TELO2: variants seen among roughly 807,000 people sequenced by gnomAD.
TELO2 encodes telomere length regulation protein TEL2 homolog.
A neutral mutation model predicts 91.0 loss-of-function variants in TELO2; 71 were observed. The observed-to-expected ratio is 0.78, with a 90% CI of 0.64 to 0.95. TELO2 has a LOEUF of 0.95. TELO2 is among the 40% of genes least tolerant of loss of function. The pLI, the probability that TELO2 is intolerant of heterozygous loss-of-function variation, is 0.00. For missense variants in TELO2, 1,183 were observed against 1,141.3 expected (o/e 1.04, Z -0.53); for synonymous variants, 584 against 518.9 (o/e 1.13, Z -1.71).
Position 1,510,048 on chromosome 16 carries a change from C to A in TELO2, c.*112C>A. 1 of 909,452 alleles carries A rather than the reference C, an allele frequency of 1.1e-6. No individual in the cohort carries two copies. The highest frequency in any genetic ancestry group is 1.7e-6 in the Non-Finnish European group (1 of 594,316). 56.3% of individuals were successfully genotyped at this position (909,452 alleles called of 1,614,324 possible). A position where few individuals can be genotyped will look rare whatever the true frequency, so the allele number is the denominator to read the frequency against. On this transcript the variant is annotated 3_prime_UTR_variant, in exon 21 of 21. Coordinates refer to ENST00000262319, the MANE Select transcript of TELO2 (RefSeq NM_016111.4). ...AGCGAGGCCAGGTCTTCGGCCGCAT[C>A]CGGTACGGAGAGTGCAGATGCAGGA...
At chr16:1,498,358 A>C (rs1356462956) in intron 5 of TELO2, among the ~76,000 whole-genome samples, 1 of 152,084 alleles carries the variant, frequency 6.6e-6, no homozygotes, top group African/African-American at 2.4e-5. Context: ...TGTGTGTTTA[A>C]GGCATTTGTA....
chr16:1,506,755 G>A, intron 17 of TELO2, 197 bp from the exon 18 acceptor site: 1 of 1,403,206 alleles, frequency 7.1e-7, no homozygotes, highest in Non-Finnish European at 9.3e-7. Flanking sequence ...CCTGGCCCAG[G>A]TGGACTTGTG....
At position 1,502,061 on chromosome 16, in the gene TELO2, TCC is replaced by T; in HGVS notation, c.1490_1491del (p.Pro497LeufsTer29). The T allele has an allele frequency of 6.2e-7, 1 of 1,613,314 alleles. No individual in the cohort carries two copies. Among genetic ancestry groups the T allele is most frequent in the Non-Finnish European group, 8.5e-7 (1 of 1,179,980 alleles). Reference sequence around the variant, plus strand: ...CTCTCCCACAGCGATGATGAGTTTGTCCCCTACGACATGTCGGGGGACAGAGA... The same window carrying T: ...CTCTCCCACAGCGATGATGAGTTTGTCCTACGACATGTCGGGGGACAGAGA... On this transcript the variant is annotated frameshift_variant, in exon 12 of 21. Transcript: ENST00000262319. LOFTEE classifies it high-confidence loss of function.
Position 1,505,678 on chromosome 16 carries a change from C to A in TELO2, c.2034+77C>A, listed in dbSNP as rs143035870. Reference sequence around the variant, plus strand: ...GGAAGGGCGGTCAGACACCTCCAGGCGCTGTCTGCAGCGAGGGGCGGCCAC... The same window carrying A: ...GGAAGGGCGGTCAGACACCTCCAGGAGCTGTCTGCAGCGAGGGGCGGCCAC... On this transcript the variant is annotated intron_variant, in intron 16 of 20. Coordinates refer to ENST00000262319, the MANE Select transcript of TELO2 (RefSeq NM_016111.4). The surrounding 1 kb of genome is among the most constrained non-coding windows in gnomAD (Gnocchi z 4.3). The A allele has an allele frequency of 1.4e-5, 21 of 1,499,898 alleles. No homozygotes were observed. Among genetic ancestry groups the A allele is most frequent in the East Asian group, 2.4e-5 (1 of 41,752 alleles). 92.9% of individuals were successfully genotyped at this position (1,499,898 alleles called of 1,614,324 possible). A position where few individuals can be genotyped will look rare whatever the true frequency, so the allele number is the denominator to read the frequency against.
chr16:1,500,213 C>T (rs75749292), intron 7 of TELO2, 49 bp downstream of exon 7: 76,363 of 1,557,430 alleles, frequency 0.049, 4,007 homozygotes, highest in Admixed American at 0.25. Flanking sequence ...GGAGAAGAGC[C>T]GTGCGGGGCT....
At chr16:1,503,766 C>G (rs1288800069) in intron 15 of TELO2, among the ~76,000 whole-genome samples, 1 of 152,134 alleles carries the variant, frequency 6.6e-6, no homozygotes, top group African/African-American at 2.4e-5. Flanking sequence ...CAAAAGAGTT[C>G]TGGCGAGGGC....
At position 1,500,507 on chromosome 16, in the gene TELO2, C is replaced by T; in HGVS notation, c.1144+19C>T. 1 of 1,609,434 alleles carries T rather than the reference C, an allele frequency of 6.2e-7. No individual in the cohort carries two copies. Among genetic ancestry groups the T allele is most frequent in the South Asian group, 1.1e-5 (1 of 90,710 alleles). Reference sequence around the variant, plus strand: ...CGGGATGGTGAGCGGGTGGTTTGGGCTCCCCCCGGCCTCGGGCGCCCCGAG... The same window carrying T: ...CGGGATGGTGAGCGGGTGGTTTGGGTTCCCCCCGGCCTCGGGCGCCCCGAG... On this transcript the variant is annotated intron_variant, in intron 8 of 20. Transcript: ENST00000262319.
chr16:1,500,057 G>T, intron 6 of TELO2, 39 bp from the exon 7 acceptor site: 1 of 1,584,632 alleles, frequency 6.3e-7, no homozygotes, highest in Non-Finnish European at 8.6e-7. Context: ...GCCAGGCGGC[G>T]GCCTCAGCCC....
At chr16:1,509,466 C>T (rs566398191) in intron 20 of TELO2, among the ~76,000 whole-genome samples, 14 of 152,226 alleles carry the variant, frequency 9.2e-5, no homozygotes, top group Non-Finnish European at 1.8e-4. Context: ...GCGGGTGGCA[C>T]GCCCACCACC....
intron 13 of TELO2, 90 bp from the exon 14 acceptor site, chr16:1,502,555 G>T: frequency 6.5e-7 from 1 of 1,535,234 alleles, no homozygotes; most frequent in Non-Finnish European, 8.8e-7. Context: ...GCCTCTGCTG[G>T]GGTGGGTGGC....
chr16:1,502,929 A>T lies in TELO2; in HGVS notation c.1771-2A>T. The T allele has an allele frequency of 6.2e-7, 1 of 1,610,880 alleles. No individual in the cohort carries two copies. Among genetic ancestry groups the T allele is most frequent in the Non-Finnish European group, 8.5e-7 (1 of 1,179,980 alleles). ...ACAGCAGCCTCTCCCCTGTGTCCTC[A>T]GGTGGCCGACTATCTGACCTCACAG... On this transcript the variant is annotated splice_acceptor_variant, in intron 14 of 20. Coordinates refer to ENST00000262319, the MANE Select transcript of TELO2 (RefSeq NM_016111.4). LOFTEE classifies it high-confidence loss of function.
chr16:1,499,279 G>C lies in TELO2; in HGVS notation c.879G>C (p.Lys293Asn). 6.2e-7 allele frequency: 1 copy of C among 1,614,078 alleles called. No individual in the cohort carries two copies. The highest frequency in any genetic ancestry group is 8.5e-7 in the Non-Finnish European group (1 of 1,180,008). Residue 293 changes from lysine (K) to asparagine (N), a missense_variant, in exon 6 of 21, where the codon AAG becomes AAC. By Grantham distance (94) the Lys-to-Asn change is moderately conservative (BLOSUM62 0). Coordinates refer to ENST00000262319, the MANE Select transcript of TELO2 (RefSeq NM_016111.4). ...RLLGNLVVKN[K>N]KAQFVMTQKL... The stretch of plus-strand genomic sequence containing the variant: ...TGGGGAACCTGGTGGTGAAGAACAA[G>C]AAGGCCCAGTTTGTGATGACCCAGA...
At chr16:1,507,167 C>A in intron 18 of TELO2, 116 bp downstream of exon 18, 1 of 1,480,722 alleles carries the variant, frequency 6.8e-7, no homozygotes, top group Non-Finnish European at 9.1e-7. Flanking sequence ...CTGTGTGGGC[C>A]CCCGGGCAGC....
chr16:1,496,726 A>G (rs898030527), intron 3 of TELO2, among the ~76,000 whole-genome samples: 6 of 152,116 alleles, frequency 3.9e-5, no homozygotes, highest in African/African-American at 1.4e-4. Flanking sequence ...TGGCTGACCC[A>G]ACTTGGCCGG....
intron 18 of TELO2, 56 bp downstream of exon 18, chr16:1,507,107 C>T (rs1018050658): frequency 6.5e-7 from 1 of 1,538,244 alleles, no homozygotes; most frequent in Non-Finnish European, 8.8e-7. Context: ...ATCAGGAGCG[C>T]TCCTCAGCCT....
chr16:1,500,246 G>A (rs1054410987), intron 7 of TELO2, 82 bp downstream of exon 7: 2 of 1,530,530 alleles, frequency 1.3e-6, no homozygotes, highest in Admixed American at 3.9e-5. Context: ...GGCAGGGTGA[G>A]GCTGGCTGGG....
chr16:1,495,433 T>C lies in TELO2; in HGVS notation c.423T>C (p.Cys141=), dbSNP rs2039447645. ...GRLAVLMEAQ[C]RQQTQPGFIL... ...TGGCAGTGCTGATGGAGGCGCAGTGTCGGCAGCAGACGCAGCCCGGCTTCA... is the reference window on the plus strand; with the variant it reads ...TGGCAGTGCTGATGGAGGCGCAGTGCCGGCAGCAGACGCAGCCCGGCTTCA... Residue 141 remains cysteine (C), a synonymous_variant, in exon 3 of 21, where the codon TGT becomes TGC. Transcript: ENST00000262319. 1 of 1,600,796 alleles carries C rather than the reference T, an allele frequency of 6.2e-7. No individual in the cohort carries two copies. The highest frequency in any genetic ancestry group is 8.5e-7 in the Non-Finnish European group (1 of 1,174,972).
Position 1,501,697 on chromosome 16 carries a change from G to C in TELO2, c.1396G>C (p.Ala466Pro). ...CGTTCCAGCCACGGCAGAGCCCCCTGCAGAGACCCCCGCAGAGATCGTGGA... is the reference window on the plus strand; with the variant it reads ...CGTTCCAGCCACGGCAGAGCCCCCTCCAGAGACCCCCGCAGAGATCGTGGA... ...SLVPATAEPP[A>P]ETPAEIVDGG... The change falls in exon 11 of 21, where the codon GCA (alanine) becomes CCA (proline). Residue 466 changes from alanine (A) to proline (P), a missense_variant. Coordinates refer to ENST00000262319, the MANE Select transcript of TELO2 (RefSeq NM_016111.4). 6.2e-7 allele frequency: 1 copy of C among 1,612,896 alleles called. No homozygotes were observed. Among genetic ancestry groups the C allele is most frequent in the Non-Finnish European group, 8.5e-7 (1 of 1,179,856 alleles).
rs548206816 is a variant in TELO2 at position 1,501,625 on chromosome 16, G to A, written c.1362-38G>A. On this transcript the variant is annotated intron_variant, in intron 10 of 20. Coordinates refer to ENST00000262319, the MANE Select transcript of TELO2 (RefSeq NM_016111.4). ...TGAGTCCTGAGACCAGAGGCTCGAG[G>A]GGCCCCTAAAGGATTTTTGTTCCTT... is the stretch of plus-strand genomic sequence containing the variant. The A allele has an allele frequency of 2.0e-5, 32 of 1,585,150 alleles. No homozygotes were observed. In the South Asian group the frequency reaches 3.3e-4, roughly 16 times the overall value.
Sources: allele counts gnomAD v4.1 joint callset (sites outside exome capture counted in the v4.1 genomes callset), GRCh38; gene constraint gnomAD v4.1.1; non-coding constraint Gnocchi (gnomAD v3.1); transcripts MANE v1.5; gene names NCBI Gene and HGNC (gene_info 2026-07-23, HGNC 2026-07-21).